Variants in ANKH observed in about 807,000 individuals in gnomAD.
The protein encoded by ANKH is mineralization regulator ANKH.
A neutral mutation model predicts 49.0 loss-of-function variants in ANKH; 15 were observed. The observed-to-expected ratio is 0.31, with a 90% confidence interval of 0.20 to 0.47. The LOEUF (loss-of-function observed/expected upper bound fraction) is 0.47. Among genes scored for constraint, ANKH ranks in the 20% least tolerant of loss-of-function variants. ANKH has a pLI of 1.00. For missense variants in ANKH, 429 were observed against 652.0 expected (o/e 0.66, Z 3.72); for synonymous variants, 273 against 260.0 (o/e 1.05, Z -0.48).
At chr5:14,787,884 A>C (rs1740030937) in intron 1 of ANKH, among the ~76,000 whole-genome samples, 1 of 152,188 alleles carries the variant, frequency 6.6e-6, no homozygotes, top group East Asian at 1.9e-4. Flanking sequence ...GACGCTCCCA[A>C]ACCCACACCT....
At position 14,837,065 on chromosome 5, in the gene ANKH, T is replaced by A. The variant is rs548419065; in HGVS notation, c.96+34287A>T. Among the ~76,000 whole-genome samples the A allele has an allele frequency of 9.4e-3, 1,434 of 152,282 alleles. 11 individuals are homozygous for A. The highest frequency in any genetic ancestry group is 0.033 in the African/African-American group (1,357 of 41,574). On this transcript the variant is annotated intron_variant, in intron 1 of 11. Transcript: ENST00000284268. The stretch of plus-strand genomic sequence containing the variant: ...TGGTGCTGGGAAAACTGGCTAGCCA[T>A]ATGTAGAAAGCTGAAACTGGATCCC...
At chr5:14,766,523 G>A (rs911271070) in intron 2 of ANKH, among the ~76,000 whole-genome samples, 5 of 152,162 alleles carry the variant, frequency 3.3e-5, no homozygotes, top group African/African-American at 9.7e-5. Context: ...ATCTCTTCCT[G>A]CTCTATGCTC....
rs192711449 is a variant in ANKH at position 14,841,748 on chromosome 5, G to A, written c.96+29604C>T. Among the ~76,000 whole-genome samples, 69 of 152,130 alleles carry A rather than the reference G, an allele frequency of 4.5e-4. No individual in the cohort carries two copies. The Middle Eastern group carries it at 0.014, about 30-fold the overall frequency. Reference sequence around the variant, plus strand: ...AACACTAACTCCCAATTATCTTTCCGCCAAGCCCCCAGCAACCCCCATTCT... The same window carrying A: ...AACACTAACTCCCAATTATCTTTCCACCAAGCCCCCAGCAACCCCCATTCT... On this transcript the variant is annotated intron_variant, in intron 1 of 11. Transcript: ENST00000284268.
intron 1 of ANKH, among the ~76,000 whole-genome samples, chr5:14,796,683 C>G (rs904981674): frequency 6.6e-5 from 10 of 152,132 alleles, no homozygotes; most frequent in Admixed American, 3.3e-4. Flanking sequence ...GAGTAGGAAT[C>G]TATATGACTT....
intron 1 of ANKH, among the ~76,000 whole-genome samples, chr5:14,851,083 C>T (rs1470948484): frequency 6.6e-6 from 1 of 152,146 alleles, no homozygotes; most frequent in Non-Finnish European, 1.5e-5. Context: ...TGGAATCCTA[C>T]TGAGGCTGTG....
chr5:14,791,892 G>A (rs1478234680), intron 1 of ANKH, among the ~76,000 whole-genome samples: 2 of 152,202 alleles, frequency 1.3e-5, no homozygotes, highest in African/African-American at 4.8e-5. Context: ...TACCTGTTAT[G>A]TGCCTGGTAC....
chr5:14,865,455 G>T (rs927692839), intron 1 of ANKH, among the ~76,000 whole-genome samples: 1 of 152,074 alleles, frequency 6.6e-6, no homozygotes, highest in Admixed American at 6.5e-5. Context: ...AATTTATTCT[G>T]TTACTACAGA....
At chr5:14,743,436 G>A (rs1434832528) in intron 7 of ANKH, among the ~76,000 whole-genome samples, 2 of 152,238 alleles carry the variant, frequency 1.3e-5, no homozygotes, top group Non-Finnish European at 2.9e-5. Flanking sequence ...AAACCAGCAG[G>A]TATTGTTAGA....
Position 14,710,400 on chromosome 5 carries a change from G to A in ANKH, c.*797C>T, listed in dbSNP as rs1001091586. 3 of 152,244 alleles carry A rather than the reference G, an allele frequency of 2.0e-5. No individual in the cohort carries two copies. Among genetic ancestry groups the A allele is most frequent in the South Asian group, 2.1e-4 (1 of 4,828 alleles). 9.4% of individuals were successfully genotyped at this position (152,244 alleles called of 1,614,324 possible). On this transcript the variant is annotated 3_prime_UTR_variant, in exon 12 of 12. Coordinates refer to ENST00000284268, the MANE Select transcript of ANKH (RefSeq NM_054027.6). ...GGCAGGGTCTGGAATCTGGAGATGC[G>A]CTTTTGTGACAATTTAAAAAAGTTA... is the stretch of plus-strand genomic sequence containing the variant.
chr5:14,786,325 A>G (rs1739974434), intron 1 of ANKH, among the ~76,000 whole-genome samples: 1 of 152,230 alleles, frequency 6.6e-6, no homozygotes, highest in South Asian at 2.1e-4. Flanking sequence ...CTTGATGAGA[A>G]GACATAATGT....
chr5:14,724,497 A>ATCT (rs1215578233), intron 8 of ANKH: 1 of 955,474 alleles, frequency 1.0e-6, no homozygotes, highest in African/African-American at 1.8e-5. Context: ...TAGGATCAGA[A>ATCT]GGATCAGTGC....
chr5:14,849,401 T>G (rs1200156716), intron 1 of ANKH, among the ~76,000 whole-genome samples: 1 of 152,216 alleles, frequency 6.6e-6, no homozygotes, highest in Non-Finnish European at 1.5e-5. Flanking sequence ...ATGTATTCCA[T>G]AAACTGTGGC....
chr5:14,734,398 C>T (rs1738103231), intron 8 of ANKH, among the ~76,000 whole-genome samples: 1 of 152,220 alleles, frequency 6.6e-6, no homozygotes, highest in African/African-American at 2.4e-5. Flanking sequence ...CATGTGTGCG[C>T]TCACCATTGC....
At chr5:14,814,733 G>A (rs1304019084) in intron 1 of ANKH, among the ~76,000 whole-genome samples, 1 of 152,110 alleles carries the variant, frequency 6.6e-6, no homozygotes, top group Non-Finnish European at 1.5e-5. Flanking sequence ...GGCATTCCTC[G>A]ACTCAGACTC....
At chr5:14,731,409 T>C (rs1737997933) in intron 8 of ANKH, among the ~76,000 whole-genome samples, 1 of 152,014 alleles carries the variant, frequency 6.6e-6, no homozygotes, top group Admixed American at 6.5e-5. Context: ...AAAAGAGCTG[T>C]AAAAAATGTG....
At chr5:14,716,857 A>C in intron 8 of ANKH, 22 bp from the exon 9 acceptor site, 1 of 1,612,814 alleles carries the variant, frequency 6.2e-7, no homozygotes, top group Non-Finnish European at 8.5e-7. Flanking sequence ...GACATCAAAC[A>C]GGGTTGTGAG....
intron 1 of ANKH, among the ~76,000 whole-genome samples, chr5:14,793,007 A>AAAT (rs796261030): frequency 7.0e-4 from 56 of 79,692 alleles, no homozygotes; most frequent in Middle Eastern, 5.4e-3. Context: ...TATATATATA[A>AAAT]ATATATATAT....
At chr5:14,798,344 CT>C (rs745495246) in intron 1 of ANKH, 1 of 1,564,928 alleles carries the variant, frequency 6.4e-7, no homozygotes, top group Non-Finnish European at 8.8e-7. Flanking sequence ...TTTTGTATTC[CT>C]TGTTGATCAC....
intron 1 of ANKH, among the ~76,000 whole-genome samples, chr5:14,800,039 C>T (rs1015387850): frequency 6.6e-6 from 1 of 151,962 alleles, no homozygotes; most frequent in African/African-American, 2.4e-5. Flanking sequence ...CATTAACAGT[C>T]GTTTGGAAGA....
Sources: gnomAD v4.1 joint callset for allele counts (sites outside exome capture counted in the v4.1 genomes callset) on GRCh38, gnomAD v4.1.1 for gene constraint, MANE v1.5 for transcripts, NCBI Gene and HGNC (gene_info 2026-07-23, HGNC 2026-07-21) for gene names.